The following MX1 variants were observed in gnomAD, a reference collection of about 807,000 sequenced individuals.
The protein encoded by MX1 is MX dynamin like GTPase 1.
Under a neutral mutation model 66.4 loss-of-function variants are expected in MX1, and 66 were observed. The ratio of observed to expected loss-of-function variants is 0.99; its 90% CI spans 0.82 to 1.22. The LOEUF (loss-of-function observed/expected upper bound fraction) is 1.22. Among genes scored for constraint, MX1 ranks in the 50% most tolerant of loss-of-function variants. MX1 has a pLI of 0.00. For synonymous variants in MX1, 311 were observed against 318.1 expected, an observed-to-expected ratio of 0.98 and a Z score of 0.24; for missense variants, 787 against 834.3, an observed-to-expected ratio of 0.94 and a Z score of 0.70.
intron 13 of MX1, among the ~76,000 whole-genome samples, chr21:41,447,458 T>G (rs2090695114): frequency 6.6e-6 from 1 of 151,970 alleles, no homozygotes; most frequent in Admixed American, 6.5e-5. Context: ...AGGCACAGAG[T>G]GCTGGTCCAC....
At position 41,441,135 on chromosome 21, in the gene MX1, G is replaced by C. The variant is rs1299640493; in HGVS notation, c.730+110G>C. The C allele has an allele frequency of 8.6e-7, 1 of 1,166,294 alleles. No individual in the cohort carries two copies. The highest frequency in any genetic ancestry group is 1.2e-6 in the Non-Finnish European group (1 of 839,054). The allele number at this position is 1,166,294 out of a possible 1,614,324, so 72.2% of individuals were successfully genotyped here. A position where few individuals can be genotyped will look rare whatever the true frequency, so the allele number is the denominator to read the frequency against. Reference sequence around the variant, plus strand: ...TCGGTGAGAATGGGGGAGCCCGCCTGTGCTCGGTGAGAATGGGGGAGCCCG... The same window carrying C: ...TCGGTGAGAATGGGGGAGCCCGCCTCTGCTCGGTGAGAATGGGGGAGCCCG... On this transcript the variant is annotated intron_variant, in intron 9 of 16. Transcript: ENST00000398598. The surrounding 1 kb of genome is among the most constrained non-coding windows in gnomAD (Gnocchi z 4.0).
chr21:41,436,869 C>G, intron 6 of MX1, 146 bp from the exon 7 acceptor site: 1 of 923,322 alleles, frequency 1.1e-6, no homozygotes, highest in Non-Finnish European at 1.6e-6. Flanking sequence ...GCGATGTCCC[C>G]GCATATCAGA....
intron 13 of MX1, among the ~76,000 whole-genome samples, chr21:41,448,363 A>T (rs894296362): frequency 5.9e-5 from 9 of 152,250 alleles, no homozygotes; most frequent in Admixed American, 4.6e-4. Context: ...CTTTCGACAC[A>T]TGAATATGTG....
intron 10 of MX1, chr21:41,442,601 G>A (rs1267226605): frequency 6.6e-6 from 1 of 152,192 alleles, no homozygotes; most frequent in Non-Finnish European, 1.5e-5. Context: ...CTTACATTCA[G>A]TTCTCCCAGA....
chr21:41,430,492 G>C (rs1390553749), intron 3 of MX1, 41 bp from the exon 4 acceptor site: 2 of 152,078 alleles, frequency 1.3e-5, no homozygotes, highest in African/African-American at 2.4e-5. Flanking sequence ...CGGGTGTTCC[G>C]CGGGTTTGGG....
intron 11 of MX1, among the ~76,000 whole-genome samples, chr21:41,445,022 T>C (rs967609150): frequency 1.3e-5 from 2 of 152,232 alleles, no homozygotes; most frequent in African/African-American, 4.8e-5. Context: ...CTCTGATCAC[T>C]TTTTATTGAT....
chr21:41,458,970 C>CA lies in MX1; in HGVS notation c.*212_*213insA, dbSNP rs1601552667. ...CCACCCTCAGATGCACATGAGCTGGCGGGATTGAAGGATGCTGTCTTCGTA... is the reference window on the plus strand; with the variant it reads ...CCACCCTCAGATGCACATGAGCTGGCAGGGATTGAAGGATGCTGTCTTCGTA... On this transcript the variant is annotated 3_prime_UTR_variant, in exon 17 of 17. Transcript: ENST00000398598. 2 of 838,476 alleles carry CA rather than the reference C, an allele frequency of 2.4e-6. No individual in the cohort carries two copies. The highest frequency in any genetic ancestry group is 5.5e-5 in the East Asian group (2 of 36,682). 51.9% of individuals were successfully genotyped at this position (838,476 alleles called of 1,614,324 possible).
chr21:41,433,408 G>T (rs530251303), intron 5 of MX1, among the ~76,000 whole-genome samples: 4 of 152,310 alleles, frequency 2.6e-5, no homozygotes, highest in South Asian at 2.1e-4. Flanking sequence ...CCCTGTCTAC[G>T]TGCCTGTCAT....
At chr21:41,438,408 G>C (rs1045645814) in intron 7 of MX1, among the ~76,000 whole-genome samples, 1 of 152,164 alleles carries the variant, frequency 6.6e-6, no homozygotes, top group African/African-American at 2.4e-5. Context: ...GGGCTAGCTG[G>C]GCTGGGGCTG....
intron 10 of MX1, among the ~76,000 whole-genome samples, chr21:41,442,318 G>A (rs1568983526): frequency 6.6e-6 from 1 of 152,028 alleles, no homozygotes; most frequent in Non-Finnish European, 1.5e-5. Flanking sequence ...TCAAATAGTG[G>A]ACTATATCAG....
chr21:41,436,658 A>G (rs535577241), intron 6 of MX1, among the ~76,000 whole-genome samples: 3 of 152,252 alleles, frequency 2.0e-5, no homozygotes, highest in Non-Finnish European at 2.9e-5. Flanking sequence ...TAATGGGGGT[A>G]GAGTGTGTAT....
intron 13 of MX1, 36 bp from the exon 14 acceptor site, chr21:41,449,101 G>T (rs768809025): frequency 6.5e-7 from 1 of 1,536,930 alleles, no homozygotes; most frequent in South Asian, 1.2e-5. Flanking sequence ...GATTATTTTT[G>T]TAAAATAATT....
At chr21:41,448,062 A>G (rs369646572) in intron 13 of MX1, among the ~76,000 whole-genome samples, 17 of 152,316 alleles carry the variant, frequency 1.1e-4, no homozygotes, top group Admixed American at 5.2e-4. Context: ...TGAATGTTAT[A>G]CTATGTAAAT....
chr21:41,437,051 A>G lies in MX1; in HGVS notation c.335A>G (p.Lys112Arg). The G allele has an allele frequency of 6.2e-7, 1 of 1,614,002 alleles. No individual in the cohort carries two copies. Among genetic ancestry groups the G allele is most frequent in the Non-Finnish European group, 8.5e-7 (1 of 1,179,886 alleles). Reference protein sequence around the residue: ...VTRCPLVLKLKKLVNEDKWRG... With the variant: ...VTRCPLVLKLRKLVNEDKWRG... ...AGATGCCCGCTGGTGCTGAAACTGA[A>G]GAAACTTGTGAACGAAGATAAGTGG... The change falls in exon 7 of 17, where the codon AAG becomes AGG. Residue 112 changes from lysine (K) to arginine (R), a missense_variant. Coordinates refer to ENST00000398598, the MANE Select transcript of MX1 (RefSeq NM_002462.5).
intron 16 of MX1, among the ~76,000 whole-genome samples, chr21:41,458,047 A>C (rs892195639): frequency 6.6e-5 from 10 of 152,082 alleles, no homozygotes; most frequent in African/African-American, 2.4e-4. Context: ...TCTGTCGCCC[A>C]GCCTGGAGTA....
At chr21:41,436,696 A>G (rs1234509641) in intron 6 of MX1, among the ~76,000 whole-genome samples, 1 of 152,116 alleles carries the variant, frequency 6.6e-6, no homozygotes, top group African/African-American at 2.4e-5. Flanking sequence ...AGATGTTCGG[A>G]TGAGTTTCGG....
At position 41,458,697 on chromosome 21, in the gene MX1, T is replaced by C; in HGVS notation, c.1928T>C (p.Leu643Pro). ...GACACCAGCGACAAGCGGAAGTTCC[T>C]GAAGGAGCGGCTTGCACGGCTGACG... Reference protein sequence around the residue: ...RSDTSDKRKFLKERLARLTQA... With the variant: ...RSDTSDKRKFPKERLARLTQA... Residue 643 changes from leucine (L) to proline (P), a missense_variant, in exon 17 of 17, where the codon CTG becomes CCG. Transcript: ENST00000398598. 4 of 1,614,182 alleles carry C rather than the reference T, an allele frequency of 2.5e-6. No individual in the cohort carries two copies. In the South Asian group the frequency reaches 4.4e-5, roughly 18 times the overall value.
intron 6 of MX1, 37 bp from the exon 7 acceptor site, chr21:41,436,978 A>G (rs531283923): frequency 6.2e-7 from 1 of 1,610,502 alleles, no homozygotes; most frequent in African/African-American, 1.3e-5. Flanking sequence ...GTCTTTTAAG[A>G]GCAAAGTGGA....
chr21:41,437,487 T>A (rs1340493471), intron 7 of MX1, among the ~76,000 whole-genome samples: 1 of 150,784 alleles, frequency 6.6e-6, no homozygotes. Context: ...AAAAAAAAAA[T>A]TAAAATAGCT....
Sources: gnomAD v4.1 joint callset for allele counts (sites outside exome capture counted in the v4.1 genomes callset) on GRCh38, gnomAD v4.1.1 for gene constraint, Gnocchi (gnomAD v3.1) non-coding constraint, MANE v1.5 for transcripts, NCBI Gene and HGNC (gene_info 2026-07-23, HGNC 2026-07-21) for gene names.